Variants in PLB1 observed in about 807,000 individuals in gnomAD.
PLB1 encodes the protein phospholipase B1.
PLB1 carries 242 observed loss-of-function variants against 227.4 expected under a neutral mutation model. That is an observed-to-expected ratio of 1.06 (90% CI 0.96 to 1.18). The LOEUF (loss-of-function observed/expected upper bound fraction) is 1.18, where lower values mean the gene tolerates loss of function less well. PLB1 is among the 50% of genes most tolerant of loss of function. The pLI, the probability that PLB1 is intolerant of heterozygous loss-of-function variation, is 0.00. For synonymous variants in PLB1, 757 were observed against 682.2 expected, an observed-to-expected ratio of 1.11 and a Z score of -1.71; for missense variants, 1,858 against 1,816.3, an observed-to-expected ratio of 1.02 and a Z score of -0.42.
rs1676994164 is a variant in PLB1 at position 28,566,789 on chromosome 2, G to A, written c.1281-7G>A. ...CCTTCATTTTCTTTCTTGGACCCAC[G>A]TTACAGCGTCGGCGGAGATGAGAAC... On this transcript the variant is annotated splice_region_variant and splice_polypyrimidine_tract_variant and intron_variant, in intron 19 of 57. Transcript: ENST00000327757. 1 of 1,613,992 alleles carries A rather than the reference G, an allele frequency of 6.2e-7. No individual in the cohort carries two copies. The highest frequency in any genetic ancestry group is 1.7e-5 in the Admixed American group (1 of 60,006).
chr2:28,624,920 T>G, intron 49 of PLB1, 137 bp from the exon 50 acceptor site: 1 of 815,174 alleles, frequency 1.2e-6, no homozygotes, highest in African/African-American at 1.7e-5. Flanking sequence ...TAAGCTGAGA[T>G]TTCTTGAGAA....
At chr2:28,552,285 G>C (rs1420136590) in intron 16 of PLB1, among the ~76,000 whole-genome samples, 1 of 152,172 alleles carries the variant, frequency 6.6e-6, no homozygotes, top group Non-Finnish European at 1.5e-5. Flanking sequence ...TAGAAGAAAG[G>C]AAAGTGAAAG....
chr2:28,620,243 A>T, intron 46 of PLB1, 22 bp from the exon 47 acceptor site: 1 of 1,571,560 alleles, frequency 6.4e-7, no homozygotes, highest in Non-Finnish European at 8.7e-7. Context: ...CCAGCCCTGA[A>T]CTTTCTTTTT....
intron 15 of PLB1, 44 bp downstream of exon 15, chr2:28,548,975 G>C (rs768456498): frequency 6.3e-7 from 1 of 1,590,854 alleles, no homozygotes; most frequent in Non-Finnish European, 8.6e-7. Flanking sequence ...TGAATCGAGG[G>C]CGCAGGTGGG....
Position 28,589,559 on chromosome 2 carries a change from A to C in PLB1, c.1920+5A>C. 1 of 1,613,994 alleles carries C rather than the reference A, an allele frequency of 6.2e-7. No individual in the cohort carries two copies. The highest frequency in any genetic ancestry group is 8.5e-7 in the Non-Finnish European group (1 of 1,179,826). On this transcript the variant is annotated splice_donor_5th_base_variant and intron_variant, in intron 27 of 57. Transcript: ENST00000327757. ...GTGGACATGCCAAAGACCTCGGTAA[A>C]GAAAGCAAGCATCGTAGAAAAATAG...
intron 33 of PLB1, chr2:28,595,824 T>A (rs1318961816): frequency 6.6e-6 from 1 of 151,504 alleles, no homozygotes; most frequent in Non-Finnish European, 1.5e-5. Flanking sequence ...AGGGGAGAAG[T>A]AGACCCAGAA....
chr2:28,561,403 C>T (rs1450563359), intron 17 of PLB1, among the ~76,000 whole-genome samples: 1 of 152,194 alleles, frequency 6.6e-6, no homozygotes, highest in Non-Finnish European at 1.5e-5. Context: ...ACCATATAAT[C>T]CACCAATTCC....
chr2:28,642,591 C>G (rs1690094273), intron 57 of PLB1, among the ~76,000 whole-genome samples: 1 of 152,152 alleles, frequency 6.6e-6, no homozygotes, highest in Non-Finnish European at 1.5e-5. Flanking sequence ...TATCAGTTCC[C>G]AATCTTTCAA....
rs564802481 is a variant in PLB1 at position 28,578,005 on chromosome 2, C to A, written c.1434-102C>A. 33 of 1,172,596 alleles carry A rather than the reference C, an allele frequency of 2.8e-5. No individual in the cohort carries two copies. The African/African-American group carries it at 5.0e-4, about 18-fold the overall frequency. The allele number at this position is 1,172,596 out of a possible 1,614,324, so 72.6% of individuals were successfully genotyped here. On this transcript the variant is annotated intron_variant, in intron 21 of 57. Transcript: ENST00000327757. ...AGTCCATTTTCCTGCAGGAGGCCCA[C>A]CCTGGGCCTTCCTCCACCATACATT...
intron 39 of PLB1, 103 bp from the exon 40 acceptor site, chr2:28,603,863 C>A (rs940848478): frequency 1.9e-6 from 2 of 1,041,140 alleles, no homozygotes; most frequent in Non-Finnish European, 2.9e-6. Context: ...TAAACCAGGG[C>A]GGGAGGGAGC....
intron 44 of PLB1, among the ~76,000 whole-genome samples, chr2:28,614,347 G>A (rs1295259153): frequency 6.6e-6 from 1 of 152,124 alleles, no homozygotes; most frequent in Non-Finnish European, 1.5e-5. Flanking sequence ...CTTTGACCTT[G>A]GCAATCCTGG....
intron 6 of PLB1, among the ~76,000 whole-genome samples, chr2:28,528,941 CTTTTTTTTT>C (rs201087238): frequency 2.2e-4 from 24 of 109,420 alleles, no homozygotes; most frequent in Admixed American, 2.7e-4. Flanking sequence ...GGGAGTCAGT[CTTTTTTTTT>C]TTTTTTTTTT....
intron 8 of PLB1, among the ~76,000 whole-genome samples, chr2:28,530,561 G>C (rs1272335656): frequency 6.6e-6 from 1 of 152,166 alleles, no homozygotes; most frequent in Non-Finnish European, 1.5e-5. Context: ...CATACATGCT[G>C]GGTGCCTTGG....
intron 9 of PLB1, among the ~76,000 whole-genome samples, chr2:28,537,751 G>A (rs932811931): frequency 3.4e-5 from 5 of 145,828 alleles, no homozygotes; most frequent in African/African-American, 1.1e-4. Flanking sequence ...GGGGAGTGGT[G>A]TGTGTGTTGG....
chr2:28,591,601 A>T (rs888439735), intron 30 of PLB1, 99 bp from the exon 31 acceptor site: 1 of 1,276,160 alleles, frequency 7.8e-7, no homozygotes, highest in East Asian at 2.3e-5. Flanking sequence ...AGTAGGACCC[A>T]GGAATCTGTA....
intron 8 of PLB1, among the ~76,000 whole-genome samples, chr2:28,531,061 C>T (rs1026478330): frequency 2.0e-5 from 3 of 152,296 alleles, no homozygotes; most frequent in East Asian, 1.9e-4. Context: ...TCAACTACAT[C>T]GTGCTGCCTC....
intron 33 of PLB1, 62 bp downstream of exon 33, chr2:28,593,816 G>T (rs1682421718): frequency 5.6e-6 from 8 of 1,432,244 alleles, no homozygotes; most frequent in Non-Finnish European, 7.8e-6. Context: ...GTGTGGCTTT[G>T]TCTCCTGTAA....
intron 6 of PLB1, 36 bp downstream of exon 6, chr2:28,525,981 C>T: frequency 1.2e-6 from 2 of 1,612,002 alleles, no homozygotes; most frequent in East Asian, 2.2e-5. Flanking sequence ...TTTCAGAGTG[C>T]CCCTCTCCTT....
In PLB1 at chr2:28,520,975, T is replaced by TA. The variant is rs553650650; in HGVS notation, c.243+1219dup. Reference sequence around the variant, plus strand: ...GGGAAACAAGAGCAAAACTCTGTCTTAAAAAAACAAAACAAAAAAGAAATC... The same window carrying TA: ...GGGAAACAAGAGCAAAACTCTGTCTTAAAAAAAACAAAACAAAAAAGAAATC... On this transcript the variant is annotated intron_variant, in intron 4 of 57. Transcript: ENST00000327757. 1.1e-3 allele frequency among the ~76,000 whole-genome samples: 168 copies of TA among 152,164 alleles called. 2 individuals carry two copies. In the South Asian group the frequency reaches 0.033, roughly 30 times the overall value.
Sources: gnomAD v4.1 joint callset for allele counts (sites outside exome capture counted in the v4.1 genomes callset) on GRCh38, gnomAD v4.1.1 for gene constraint, MANE v1.5 for transcripts, NCBI Gene and HGNC (gene_info 2026-07-23, HGNC 2026-07-21) for gene names.